Variants in SORCS3 observed in about 807,000 individuals in gnomAD.
SORCS3 encodes the protein sortilin related VPS10 domain containing receptor 3, also known as VPS10 domain-containing receptor SorCS3.
SORCS3 carries 57 observed loss-of-function variants against 146.3 expected under a neutral mutation model. That is an observed-to-expected ratio of 0.39 (90% CI 0.31 to 0.49). The LOEUF is 0.49. Ranked by LOEUF, SORCS3 falls within the 20% of genes least tolerant of loss-of-function variation. The pLI, the probability that SORCS3 is intolerant of heterozygous loss-of-function variation, is 0.92. For synonymous variants in SORCS3, 653 were observed against 618.5 expected, an observed-to-expected ratio of 1.06 and a Z score of -0.83; for missense variants, 1,341 against 1,575.5, an observed-to-expected ratio of 0.85 and a Z score of 2.52.
chr10:104,701,564 A>G (rs1326966751), intron 1 of SORCS3, among the ~76,000 whole-genome samples: 2 of 152,170 alleles, frequency 1.3e-5, no homozygotes, highest in African/African-American at 4.8e-5. Context: ...GATCTAGACC[A>G]TTTTACAAGG....
intron 1 of SORCS3, among the ~76,000 whole-genome samples, chr10:104,663,476 C>T (rs1276305373): frequency 2.0e-5 from 3 of 152,182 alleles, no homozygotes; most frequent in African/African-American, 7.2e-5. Flanking sequence ...TTTAGTTCAA[C>T]TTCTCCTCCA....
At chr10:105,147,062 AC>A (rs141150014) in intron 8 of SORCS3, among the ~76,000 whole-genome samples, 12,730 of 152,130 alleles carry the variant, frequency 0.084, 626 homozygotes, top group Middle Eastern at 0.13. Context: ...AAAATATTAC[AC>A]AGAATTCCAC....
At chr10:104,986,881 TATA>T (rs1003396053) in intron 4 of SORCS3, among the ~76,000 whole-genome samples, 1 of 152,134 alleles carries the variant, frequency 6.6e-6, no homozygotes, top group African/African-American at 2.4e-5. Context: ...TCATAACAGA[TATA>T]ATAATAATGA....
intron 3 of SORCS3, among the ~76,000 whole-genome samples, chr10:104,939,854 G>A (rs762792696): frequency 3.9e-5 from 6 of 152,020 alleles, no homozygotes; most frequent in Admixed American, 6.6e-5. Context: ...GCTCGAGCCC[G>A]TAATCACTAG....
intron 7 of SORCS3, among the ~76,000 whole-genome samples, chr10:105,135,943 T>G (rs919527861): frequency 1.2e-4 from 19 of 152,206 alleles, no homozygotes; most frequent in Admixed American, 5.9e-4. Flanking sequence ...CCACTTCTTC[T>G]GAAGAAGGGT....
At chr10:105,256,643 G>A (rs748360851) in intron 24 of SORCS3, among the ~76,000 whole-genome samples, 176 bp from the exon 25 acceptor site, 2 of 152,212 alleles carry the variant, frequency 1.3e-5, no homozygotes, top group African/African-American at 2.4e-5. Context: ...CTGTACTCAG[G>A]TGCCATTGCC....
chr10:104,870,941 C>T (rs974587266), intron 2 of SORCS3, among the ~76,000 whole-genome samples: 2 of 152,178 alleles, frequency 1.3e-5, no homozygotes, highest in Non-Finnish European at 2.9e-5. Context: ...AGGTGACCAG[C>T]CCTTAGGAGC....
At chr10:104,848,118 G>T (rs1051003844) in intron 2 of SORCS3, among the ~76,000 whole-genome samples, 1 of 152,036 alleles carries the variant, frequency 6.6e-6, no homozygotes, top group African/African-American at 2.4e-5. Flanking sequence ...TACTAAATAA[G>T]GATTTGGAGA....
At chr10:105,010,844 G>A (rs1489900134) in intron 4 of SORCS3, among the ~76,000 whole-genome samples, 2 of 152,032 alleles carry the variant, frequency 1.3e-5, no homozygotes, top group African/African-American at 4.8e-5. Context: ...CAGCTGCCTT[G>A]GCTCTGACAG....
chr10:105,102,238 T>A (rs959079433), intron 6 of SORCS3, among the ~76,000 whole-genome samples: 3 of 152,184 alleles, frequency 2.0e-5, no homozygotes, highest in African/African-American at 7.2e-5. Context: ...CATGTGTTCA[T>A]TACAGCACTA....
chr10:104,944,872 T>C (rs2019353837), intron 3 of SORCS3, among the ~76,000 whole-genome samples: 1 of 152,100 alleles, frequency 6.6e-6, no homozygotes, highest in South Asian at 2.1e-4. Context: ...ACTACATATG[T>C]ATGTGAGCCA....
At chr10:104,866,120 T>C (rs1247037493) in intron 2 of SORCS3, among the ~76,000 whole-genome samples, 3 of 152,142 alleles carry the variant, frequency 2.0e-5, no homozygotes, top group Non-Finnish European at 4.4e-5. Context: ...GGTGGTTCTT[T>C]TGAGGAAGCG....
chr10:104,885,606 T>C (rs936045170), intron 2 of SORCS3, among the ~76,000 whole-genome samples: 4 of 152,164 alleles, frequency 2.6e-5, no homozygotes, highest in African/African-American at 9.7e-5. Flanking sequence ...CCCTCAAATA[T>C]AGAATGCATA....
At chr10:105,002,917 G>A (rs900170793) in intron 4 of SORCS3, among the ~76,000 whole-genome samples, 3 of 152,140 alleles carry the variant, frequency 2.0e-5, no homozygotes, top group African/African-American at 4.8e-5. Context: ...TGTGTTCCAG[G>A]CACCATTGTA....
intron 1 of SORCS3, among the ~76,000 whole-genome samples, chr10:104,722,453 T>A (rs2016561521): frequency 6.6e-6 from 1 of 152,218 alleles, no homozygotes; most frequent in Non-Finnish European, 1.5e-5. Context: ...TTTTGTTGTG[T>A]CTCACCCTGG....
chr10:105,152,233 TGCTTTA>T (rs1167320876), intron 9 of SORCS3, among the ~76,000 whole-genome samples: 2 of 152,218 alleles, frequency 1.3e-5, no homozygotes, highest in African/African-American at 4.8e-5. Context: ...TACCTGGCAA[TGCTTTA>T]GACCAGCACT....
chr10:104,755,107 T>C (rs2017033080), intron 1 of SORCS3, among the ~76,000 whole-genome samples: 1 of 152,176 alleles, frequency 6.6e-6, no homozygotes, highest in Admixed American at 6.5e-5. Context: ...TGTATAAATA[T>C]ATGTGTGTTA....
intron 7 of SORCS3, among the ~76,000 whole-genome samples, chr10:105,132,881 C>G (rs545791232): frequency 6.6e-6 from 1 of 152,116 alleles, no homozygotes; most frequent in East Asian, 1.9e-4. Context: ...AAGGTGTCAC[C>G]GAAAGGAAAA....
chr10:104,755,042 T>G (rs1407449757), intron 1 of SORCS3, among the ~76,000 whole-genome samples: 5 of 152,190 alleles, frequency 3.3e-5, no homozygotes, highest in African/African-American at 1.2e-4. Flanking sequence ...CAGAGCTCTG[T>G]GGCTAATGCA....
Sources: allele counts gnomAD v4.1 joint callset (sites outside exome capture counted in the v4.1 genomes callset), GRCh38; gene constraint gnomAD v4.1.1; transcripts MANE v1.5; gene names NCBI Gene and HGNC (gene_info 2026-07-23, HGNC 2026-07-21).